The following PHLPP1 variants were observed in gnomAD, a reference collection of about 807,000 sequenced individuals.
PHLPP1 encodes the protein PH domain leucine-rich repeat-containing protein phosphatase 1.
A neutral mutation model predicts 117.2 loss-of-function variants in PHLPP1; 42 were observed. The ratio of observed to expected loss-of-function variants is 0.36; its 90% CI spans 0.28 to 0.46. PHLPP1 has a LOEUF of 0.46. PHLPP1 is among the 20% of genes least tolerant of loss of function. The pLI is 1.00. For synonymous variants in PHLPP1, 1,042 were observed against 970.7 expected (o/e 1.07, Z -1.37); for missense variants, 2,084 against 2,241.9 (o/e 0.93, Z 1.42).
chr18:62,795,476 G>A (rs962733649), intron 1 of PHLPP1, among the ~76,000 whole-genome samples: 2 of 125,814 alleles, frequency 1.6e-5, no homozygotes, highest in Non-Finnish European at 1.6e-5. Context: ...CTGGGCGACA[G>A]AGTGAGACTC....
chr18:62,941,498 G>C (rs997263681), intron 10 of PHLPP1, among the ~76,000 whole-genome samples: 1 of 152,184 alleles, frequency 6.6e-6, no homozygotes, highest in East Asian at 1.9e-4. Context: ...AAAATTGGTT[G>C]TATCTCTGTG....
chr18:62,829,039 C>A (rs115946566), intron 1 of PHLPP1, among the ~76,000 whole-genome samples: 335 of 152,290 alleles, frequency 2.2e-3, no homozygotes, highest in African/African-American at 7.8e-3. Context: ...CTGCCAAATT[C>A]GTTTCCATTT....
intron 1 of PHLPP1, among the ~76,000 whole-genome samples, chr18:62,767,475 C>A (rs537519527): frequency 6.6e-6 from 1 of 152,298 alleles, no homozygotes; most frequent in African/African-American, 2.4e-5. Flanking sequence ...TGGATTTGAT[C>A]CATTCTTCCG....
At position 62,715,851 on chromosome 18, in the gene PHLPP1, C is replaced by A; in HGVS notation, c.168C>A (p.Thr56=). ...GCCGGAGTCCGGAGCCCGCGCTGAC[C>A]CCGGCGGCCCCGAGCGGCGGGAACG... is the stretch of plus-strand genomic sequence containing the variant. ...GGGRSPEPAL[T]PAAPSGGNGS... Residue 56 remains threonine, a synonymous_variant, in exon 1 of 17, where the codon ACC becomes ACA. Transcript: ENST00000262719. The A allele has an allele frequency of 1.3e-6, 1 of 766,694 alleles. No individual in the cohort carries two copies. Among genetic ancestry groups the A allele is most frequent in the Non-Finnish European group, 1.6e-6 (1 of 631,304 alleles). The allele number at this position is 766,694 out of a possible 1,614,324, so 47.5% of individuals were successfully genotyped here. A position where few individuals can be genotyped will look rare whatever the true frequency, so the allele number is the denominator to read the frequency against.
intron 13 of PHLPP1, among the ~76,000 whole-genome samples, chr18:62,960,388 G>C (rs548577625): frequency 7.9e-5 from 12 of 152,162 alleles, no homozygotes; most frequent in African/African-American, 2.6e-4. Context: ...TATTTATGTC[G>C]TATATGTTTA....
rs552765644 is a variant in PHLPP1, at chr18:62,788,644, T to C, written c.1577-41391T>C. Among the ~76,000 whole-genome samples the C allele has an allele frequency of 2.6e-5, 4 of 152,322 alleles. No homozygotes were observed. In the East Asian group the frequency reaches 7.7e-4, roughly 29 times the overall value. On this transcript the variant is annotated intron_variant, in intron 1 of 16. Coordinates refer to ENST00000262719, the MANE Select transcript of PHLPP1 (RefSeq NM_194449.4). The stretch of plus-strand genomic sequence containing the variant: ...CACCATAAATTGTAATTAAAACTTG[T>C]ACATCTTATGTTTTTCAAAACATCA...
intron 13 of PHLPP1, among the ~76,000 whole-genome samples, chr18:62,962,391 T>G (rs1329743222): frequency 6.6e-6 from 1 of 152,202 alleles, no homozygotes; most frequent in South Asian, 2.1e-4. Context: ...CACCGCAACC[T>G]CCACCTCCCG....
At chr18:62,925,016 A>G (rs555578817) in intron 10 of PHLPP1, among the ~76,000 whole-genome samples, 1 of 152,056 alleles carries the variant, frequency 6.6e-6, no homozygotes, top group African/African-American at 2.4e-5. Context: ...AATCTAGATC[A>G]TGGGCCTAGA....
At chr18:62,834,315 G>A (rs574607975) in intron 2 of PHLPP1, among the ~76,000 whole-genome samples, 4 of 152,248 alleles carry the variant, frequency 2.6e-5, no homozygotes, top group Non-Finnish European at 5.9e-5. Flanking sequence ...CACCTTAATT[G>A]CAAGGGGTCT....
At chr18:62,890,027 C>T (rs559538778) in intron 4 of PHLPP1, among the ~76,000 whole-genome samples, 2 of 152,160 alleles carry the variant, frequency 1.3e-5, no homozygotes, top group African/African-American at 4.8e-5. Flanking sequence ...GCCCCCGACT[C>T]CTTGTTCTGT....
intron 12 of PHLPP1, among the ~76,000 whole-genome samples, chr18:62,953,608 T>C (rs1910527194): frequency 6.6e-6 from 1 of 152,250 alleles, no homozygotes; most frequent in South Asian, 2.1e-4. Context: ...GGGCAGGGAC[T>C]GTGTCTGCCA....
Position 62,978,601 on chromosome 18 carries a change from C to T in PHLPP1, c.4324C>T (p.Pro1442Ser). 6.2e-7 allele frequency: 1 copy of T among 1,613,458 alleles called. No homozygotes were observed. The highest frequency in any genetic ancestry group is 8.5e-7 in the Non-Finnish European group (1 of 1,179,490). The stretch of plus-strand genomic sequence containing the variant: ...GCTCAGCGCCGGTGGGGCTGTGCCA[C>T]CACCCAGTCCTGGCATCTTTCCTCC... ...CELSAGGAVPPPSPGIFPPSV... is the reference protein window; with the variant it reads ...CELSAGGAVPSPSPGIFPPSV... The change falls in exon 17 of 17, where the codon CCA becomes TCA. Residue 1442 changes from proline to serine, a missense_variant. Coordinates refer to ENST00000262719, the MANE Select transcript of PHLPP1 (RefSeq NM_194449.4). This position sits in a 1 kb window ranked among gnomAD's most constrained non-coding sequence, Gnocchi z 7.0.
At chr18:62,839,121 A>G (rs1914989017) in intron 3 of PHLPP1, 5 of 513,300 alleles carry the variant, frequency 9.7e-6, no homozygotes, top group African/African-American at 1.9e-5. Flanking sequence ...CCCAGTTTAT[A>G]CTTAAAAATA....
chr18:62,979,399 C>G lies in PHLPP1; in HGVS notation c.5122C>G (p.Gln1708Glu). The stretch of plus-strand genomic sequence containing the variant: ...GCTGCCGCGGCACTACCAGCTGGAC[C>G]AGCTGCCAGATTATTACGACACGCC... ...PQLPRHYQLD[Q>E]LPDYYDTPL The change falls in exon 17 of 17, where the codon CAG becomes GAG. Residue 1708 changes from glutamine to glutamate, a missense_variant. Gln to Glu is a conservative substitution (Grantham distance 29). Around this residue, in one of 2 missense-constraint regions of PHLPP1, gnomAD observed 1,365 missense variants for 1,605.9 expected, o/e 0.85. Transcript: ENST00000262719. 2.6e-6 allele frequency: 4 copies of G among 1,551,586 alleles called. No homozygotes were observed. The highest frequency in any genetic ancestry group is 3.5e-6 in the Non-Finnish European group (4 of 1,146,928).
chr18:62,784,392 C>T (rs1286968252), intron 1 of PHLPP1, among the ~76,000 whole-genome samples: 1 of 152,166 alleles, frequency 6.6e-6, no homozygotes, highest in Non-Finnish European at 1.5e-5. Flanking sequence ...AAAGCAGGGA[C>T]AGAATTCTTA....
At chr18:62,776,555 CTT>C (rs1169149009) in intron 1 of PHLPP1, among the ~76,000 whole-genome samples, 1 of 151,622 alleles carries the variant, frequency 6.6e-6, no homozygotes, top group Non-Finnish European at 1.5e-5. Context: ...AGTAGAATGA[CTT>C]TGAGATTCAC....
At chr18:62,826,229 G>C in intron 1 of PHLPP1, 1 of 413,836 alleles carries the variant, frequency 2.4e-6, no homozygotes, top group Middle Eastern at 3.5e-4. Flanking sequence ...TGAAAAGATT[G>C]AACTAGCTTA....
intron 3 of PHLPP1, among the ~76,000 whole-genome samples, chr18:62,856,683 C>T (rs1036766906): frequency 1.3e-5 from 2 of 152,204 alleles, no homozygotes; most frequent in Admixed American, 1.3e-4. Flanking sequence ...GTCCTCCCAC[C>T]CCAGCCTCCC....
intron 10 of PHLPP1, among the ~76,000 whole-genome samples, chr18:62,929,113 A>G (rs994399882): frequency 9.2e-5 from 14 of 152,186 alleles, no homozygotes; most frequent in African/African-American, 3.4e-4. Flanking sequence ...AAGTCACACA[A>G]TTTAAAAGGG....
Sources: allele counts gnomAD v4.1 joint callset (sites outside exome capture counted in the v4.1 genomes callset), GRCh38; gene constraint gnomAD v4.1.1; regional missense constraint gnomAD v4.1.1; non-coding constraint Gnocchi (gnomAD v3.1); transcripts MANE v1.5; gene names NCBI Gene and HGNC (gene_info 2026-07-23, HGNC 2026-07-21).